The following CCDC122 variants were observed in gnomAD, a reference collection of about 807,000 sequenced individuals.
CCDC122 encodes the protein coiled-coil domain-containing protein 122.
A neutral mutation model predicts 37.0 loss-of-function variants in CCDC122; 38 were observed. The observed-to-expected ratio is 1.03, with a 90% CI of 0.79 to 1.35. CCDC122 has a LOEUF of 1.35. CCDC122 is among the 40% of genes most tolerant of loss of function. The pLI is 0.00. For synonymous variants in CCDC122, 83 were observed against 95.6 expected (o/e 0.87, Z 0.77); for missense variants, 305 against 310.0 (o/e 0.98, Z 0.12).
chr13:43,828,049 A>G (rs1461973759), intron 3 of CCDC122, among the ~76,000 whole-genome samples: 1 of 152,220 alleles, frequency 6.6e-6, no homozygotes, highest in African/African-American at 2.4e-5. Context: ...GGTTGGGGAC[A>G]GATTTTAAAG....
chr13:43,827,684 A>G (rs938174277), intron 3 of CCDC122, among the ~76,000 whole-genome samples: 1 of 152,202 alleles, frequency 6.6e-6, no homozygotes, highest in African/African-American at 2.4e-5. Flanking sequence ...GACTTTTGCT[A>G]TACAGAAGTT....
intron 6 of CCDC122, among the ~76,000 whole-genome samples, chr13:43,842,203 C>G (rs1436420704): frequency 6.6e-6 from 1 of 152,074 alleles, no homozygotes; most frequent in African/African-American, 2.4e-5. Flanking sequence ...ATCTATGATC[C>G]ATTTCAGATG....
intron 4 of CCDC122, among the ~76,000 whole-genome samples, chr13:43,860,659 A>G (rs915668990): frequency 1.2e-4 from 19 of 152,196 alleles, no homozygotes; most frequent in African/African-American, 3.6e-4. Context: ...GAAATTTCTG[A>G]GAATTCCTTC....
downstream of CCDC122, among the ~76,000 whole-genome samples, chr13:43,831,992 T>C (rs930761909): frequency 2.6e-5 from 4 of 152,128 alleles, no homozygotes; most frequent in African/African-American, 9.7e-5. Flanking sequence ...ATTGAATAGA[T>C]CTATTTTTCT....
intron 2 of CCDC122, among the ~76,000 whole-genome samples, chr13:43,870,637 G>A (rs1489328853): frequency 6.6e-6 from 1 of 151,978 alleles, no homozygotes; most frequent in African/African-American, 2.4e-5. Flanking sequence ...TGTGCCAGAT[G>A]GTGTTCTAAG....
At chr13:43,827,097 A>G (rs999888698) in intron 3 of CCDC122, among the ~76,000 whole-genome samples, 2 of 152,206 alleles carry the variant, frequency 1.3e-5, no homozygotes, top group African/African-American at 4.8e-5. Flanking sequence ...TAATTTTTCA[A>G]CATATCAAAC....
downstream of CCDC122, among the ~76,000 whole-genome samples, chr13:43,832,456 T>G (rs1953098715): frequency 6.6e-6 from 1 of 152,050 alleles, no homozygotes; most frequent in South Asian, 2.1e-4. Context: ...ACACAGAAAT[T>G]TAGAGTTTTA....
rs139459988 is a variant in CCDC122 at position 43,870,766 on chromosome 13, C to T, written c.-113-1277G>A. On this transcript the variant is annotated intron_variant, in intron 2 of 6. Coordinates refer to ENST00000444614, the MANE Select transcript of CCDC122 (RefSeq NM_144974.5). The stretch of plus-strand genomic sequence containing the variant: ...ATATAAGAATTTACCCAAAGAGAGC[C>T]ATTCAATGTAAGATATGTGATTTGA... Among the ~76,000 whole-genome samples the T allele has an allele frequency of 9.1e-3, 1,378 of 152,168 alleles. 17 individuals carry two copies. Among genetic ancestry groups the T allele is most frequent in the African/African-American group, 0.03 (1,241 of 41,542 alleles).
At chr13:43,854,648 C>G (rs1178797740) in intron 6 of CCDC122, 1 of 152,114 alleles carries the variant, frequency 6.6e-6, no homozygotes, top group African/African-American at 2.4e-5. Context: ...CATCCTGATA[C>G]CAAAACCCGA....
chr13:43,837,347 T>C lies in CCDC122; in HGVS notation c.755A>G (p.Gln252Arg). 6.2e-7 allele frequency: 1 copy of C among 1,614,066 alleles called. No homozygotes were observed. The highest frequency in any genetic ancestry group is 2.2e-5 in the East Asian group (1 of 44,866). Residue 252 changes from glutamine to arginine, a missense_variant, in exon 7 of 7, where the codon CAA (glutamine) becomes CGA (arginine). Coordinates refer to ENST00000444614, the MANE Select transcript of CCDC122 (RefSeq NM_144974.5). Reference sequence around the variant, plus strand: ...TTTTTCCAATTGTTGAATGTTCCATTGCCACTGTCGTCTATTTGACTGAAG... The same window carrying C: ...TTTTTCCAATTGTTGAATGTTCCATCGCCACTGTCGTCTATTTGACTGAAG... ...NKLQSNRRQWQWNIQQLEKTA... is the reference protein window; with the variant it reads ...NKLQSNRRQWRWNIQQLEKTA...
At chr13:43,824,127 T>G (rs1352254732) in intron 3 of CCDC122, 1 of 152,152 alleles carries the variant, frequency 6.6e-6, no homozygotes, top group Non-Finnish European at 1.5e-5. Flanking sequence ...TCAATATGAG[T>G]GAACAATATG....
At chr13:43,834,168 A>AT (rs933573073), downstream of CCDC122, among the ~76,000 whole-genome samples, 7 of 152,206 alleles carry the variant, frequency 4.6e-5, no homozygotes. Flanking sequence ...ATCTACAACT[A>AT]TCTGATCTTT....
chr13:43,823,432 C>T (rs528339848), downstream of CCDC122, among the ~76,000 whole-genome samples: 1 of 152,296 alleles, frequency 6.6e-6, no homozygotes, highest in East Asian at 1.9e-4. Context: ...TGCGAGCACT[C>T]CCTTGGCCTC....
rs898722022 is a variant in CCDC122 at position 43,837,356 on chromosome 13, C to T, written c.746G>A (p.Arg249Gln). The T allele has an allele frequency of 3.1e-6, 5 of 1,613,876 alleles. No individual in the cohort carries two copies. The highest frequency in any genetic ancestry group is 1.3e-5 in the African/African-American group (1 of 74,914). Residue 249 changes from arginine to glutamine, a missense_variant, in exon 7 of 7, where the codon CGA becomes CAA. By Grantham distance (43) the Arg-to-Gln change is conservative. Transcript: ENST00000444614. ...TTGTTGAATGTTCCATTGCCACTGT[C>T]GTCTATTTGACTGAAGCTTGTTCAC... is the stretch of plus-strand genomic sequence containing the variant. ...CQVNKLQSNR[R>Q]QWQWNIQQLE...
chr13:43,841,682 A>G (rs532303190), intron 6 of CCDC122, among the ~76,000 whole-genome samples: 1 of 152,122 alleles, frequency 6.6e-6, no homozygotes, highest in South Asian at 2.1e-4. Flanking sequence ...AAATATTTTT[A>G]CTTTTGTGAT....
chr13:43,829,509 C>T (rs1189601954), intron 3 of CCDC122, among the ~76,000 whole-genome samples: 4 of 151,968 alleles, frequency 2.6e-5, no homozygotes, highest in Non-Finnish European at 4.4e-5. Context: ...TTTTGACATG[C>T]TGGCCAGGCT....
intron 6 of CCDC122, chr13:43,855,363 C>CCACA (rs146757703): frequency 0.089 from 12,908 of 145,384 alleles, 671 homozygotes; most frequent in African/African-American, 0.12. Flanking sequence ...TTCACAGTTG[C>CCACA]CACACACACA....
Position 43,865,462 on chromosome 13 carries a change from G to GT in CCDC122, c.156+3231dup, listed in dbSNP as rs200465838. On this transcript the variant is annotated intron_variant, in intron 4 of 6. Coordinates refer to ENST00000444614, the MANE Select transcript of CCDC122 (RefSeq NM_144974.5). ...CAGTACTGAACTCTATATACACTAT[G>GT]TTTTTTTTTCCTATACATATATACC... Among the ~76,000 whole-genome samples the GT allele has an allele frequency of 7.7e-4, 116 of 151,336 alleles. No homozygotes were observed. The East Asian group carries it at 7.9e-3, about 10-fold the overall frequency.
At chr13:43,877,868 A>G (rs1954685106) in intron 1 of CCDC122, 2 of 152,218 alleles carry the variant, frequency 1.3e-5, no homozygotes, top group South Asian at 2.1e-4. Context: ...TTCTGATTCA[A>G]TGTATATTTG....
Sources: allele counts gnomAD v4.1 joint callset (sites outside exome capture counted in the v4.1 genomes callset), GRCh38; gene constraint gnomAD v4.1.1; transcripts MANE v1.5; gene names NCBI Gene and HGNC (gene_info 2026-07-23, HGNC 2026-07-21).